CHUK: variants seen among roughly 807,000 people sequenced by gnomAD.
The protein encoded by CHUK is inhibitor of nuclear factor kappa-B kinase subunit alpha.
Under a neutral mutation model 104.8 loss-of-function variants are expected in CHUK, and 35 were observed. That is an observed-to-expected ratio of 0.33 (90% CI 0.26 to 0.44). The LOEUF is 0.44. CHUK is among the 20% of genes least tolerant of loss of function. The pLI is 1.00. For synonymous variants in CHUK, 276 were observed against 291.9 expected, an observed-to-expected ratio of 0.95 and a Z score of 0.56; for missense variants, 663 against 902.7, an observed-to-expected ratio of 0.73 and a Z score of 3.40.
At chr10:100,187,132 C>A (rs1403766026), downstream of CHUK, 1 of 152,290 alleles carries the variant, frequency 6.6e-6, no homozygotes, top group East Asian at 1.9e-4. Flanking sequence ...TGTCTGGTTC[C>A]GGTCCGCGGC....
chr10:100,225,776 T>C (rs920159118), intron 2 of CHUK, 147 bp downstream of exon 2: 12 of 596,390 alleles, frequency 2.0e-5, no homozygotes, highest in Non-Finnish European at 3.6e-5. Context: ...GTGATATTAT[T>C]ATTTGAAATA....
downstream of CHUK, chr10:100,186,675 A>G (rs17881019): frequency 0.075 from 11,424 of 152,240 alleles, 584 homozygotes; most frequent in African/African-American, 0.14. Flanking sequence ...AAGGAGTGCT[A>G]TGGTAGGCGT....
At chr10:100,216,556 T>G (rs1845859563) in intron 9 of CHUK, among the ~76,000 whole-genome samples, 1 of 152,082 alleles carries the variant, frequency 6.6e-6, no homozygotes, top group Admixed American at 6.5e-5. Context: ...ATTTAAAAAT[T>G]AGGCAGGAGA....
At chr10:100,228,987 GCGCGCGCACACACA>G (rs1253407992) in intron 1 of CHUK, among the ~76,000 whole-genome samples, 986 of 84,786 alleles carry the variant, frequency 0.012, 9 homozygotes, top group African/African-American at 0.032. Context: ...GCGCGCGCGC[GCGCGCGCACACACA>G]CACACACACA....
In CHUK at chr10:100,229,429, C is replaced by T; in HGVS notation, c.104G>A (p.Arg35Gln). The change falls in exon 1 of 21, where the codon CGG (arginine) becomes CAG (glutamine). Residue 35 changes from arginine to glutamine, a missense_variant and splice_region_variant. Arg to Gln is a conservative substitution (Grantham distance 43). Coordinates refer to ENST00000370397, the MANE Select transcript of CHUK (RefSeq NM_001278.5). ...GCTCCCTCTCACGCCCCGCCTCACC[C>T]GATGCTGGTACAGACAGACGTTCCC... Reference protein sequence around the residue: ...GFGNVCLYQHRELDLKIAIKS... With the variant: ...GFGNVCLYQHQELDLKIAIKS... 6.2e-7 allele frequency: 1 copy of T among 1,603,256 alleles called. No homozygotes were observed.
At chr10:100,199,180 T>C (rs1845406027) in intron 16 of CHUK, among the ~76,000 whole-genome samples, 2 of 152,182 alleles carry the variant, frequency 1.3e-5, no homozygotes, top group Admixed American at 1.3e-4. Context: ...TGGAATTATT[T>C]TGCCAACAAA....
chr10:100,209,493 T>C lies in CHUK; in HGVS notation c.1128+102A>G, dbSNP rs1845670900. On this transcript the variant is annotated intron_variant, in intron 10 of 20. Transcript: ENST00000370397. ...GGAGAAGGACAAAACCAAAACAAAA[T>C]GTGCGGCCTCCCAAGGAATTCCAAG... The C allele has an allele frequency of 5.4e-6, 4 of 740,862 alleles. No homozygotes were observed. The African/African-American group carries it at 7.0e-5, about 13-fold the overall frequency. The allele number at this position is 740,862 out of a possible 1,614,324, so 45.9% of individuals were successfully genotyped here.
At chr10:100,203,780 GA>G (rs1161657589) in intron 13 of CHUK, among the ~76,000 whole-genome samples, 1 of 151,834 alleles carries the variant, frequency 6.6e-6, no homozygotes, top group Non-Finnish European at 1.5e-5. Flanking sequence ...TAGATGGTTT[GA>G]AAAAAACATA....
chr10:100,201,675 T>A lies in CHUK; in HGVS notation c.1569+413A>T, dbSNP rs369571832. On this transcript the variant is annotated intron_variant, in intron 14 of 20. Transcript: ENST00000370397. ...TTTGATACAAGCCTGGACAACATAG[T>A]GAGACCCCGTCTCTACAAAAAATGT... 2.0e-4 allele frequency among the ~76,000 whole-genome samples: 31 copies of A among 152,224 alleles called. No homozygotes were observed. The South Asian group carries it at 6.4e-3, about 32-fold the overall frequency.
chr10:100,226,252 C>T (rs1846103248), intron 1 of CHUK, among the ~76,000 whole-genome samples: 1 of 152,050 alleles, frequency 6.6e-6, no homozygotes, highest in South Asian at 2.1e-4. Flanking sequence ...GTGCCTGAAA[C>T]TGATTTTATA....
In CHUK at chr10:100,189,498, TTGACTGATGTCTGAAGA is replaced by T; in HGVS notation, c.*83_*99del. 1 of 904,682 alleles carries T rather than the reference TTGACTGATGTCTGAAGA, an allele frequency of 1.1e-6. No individual in the cohort carries two copies. Among genetic ancestry groups the T allele is most frequent in the Non-Finnish European group, 1.9e-6 (1 of 533,428 alleles). 56.0% of individuals were successfully genotyped at this position (904,682 alleles called of 1,614,324 possible). A position where few individuals can be genotyped will look rare whatever the true frequency, so the allele number is the denominator to read the frequency against. On this transcript the variant is annotated 3_prime_UTR_variant, in exon 21 of 21. Coordinates refer to ENST00000370397, the MANE Select transcript of CHUK (RefSeq NM_001278.5). ...TTTCTGTTCATAGCCATTTCTTCCATTGACTGATGTCTGAAGAATGGTTTCATGGGGGAAAAACACAT... is the reference window on the plus strand; with the variant it reads ...TTTCTGTTCATAGCCATTTCTTCCATATGGTTTCATGGGGGAAAAACACAT...
chr10:100,222,081 A>G, intron 4 of CHUK, 31 bp downstream of exon 4: 1 of 1,133,604 alleles, frequency 8.8e-7, no homozygotes, highest in Non-Finnish European at 1.3e-6. Context: ...GGGACATTAC[A>G]TTACAATGGT....
intron 19 of CHUK, 130 bp from the exon 20 acceptor site, chr10:100,191,098 C>T (rs185110570): frequency 1.4e-6 from 1 of 716,614 alleles, no homozygotes; most frequent in African/African-American, 1.7e-5. Flanking sequence ...GCAGTTGACT[C>T]CTGTAGTCTT....
At position 100,200,865 on chromosome 10, in the gene CHUK, T is replaced by C; in HGVS notation, c.1570-85A>G. ...AAATTCAGATCTTAAGGATACAGAATGACTTGCTGCTTCATTAGAGAACTA... is the reference window on the plus strand; with the variant it reads ...AAATTCAGATCTTAAGGATACAGAACGACTTGCTGCTTCATTAGAGAACTA... On this transcript the variant is annotated intron_variant, in intron 14 of 20. Coordinates refer to ENST00000370397, the MANE Select transcript of CHUK (RefSeq NM_001278.5). 3.8e-6 allele frequency: 3 copies of C among 782,066 alleles called. No individual in the cohort carries two copies. In the South Asian group the frequency reaches 4.1e-5, roughly 11 times the overall value. The allele number at this position is 782,066 out of a possible 1,614,324, so 48.4% of individuals were successfully genotyped here.
chr10:100,218,773 T>C lies in CHUK; in HGVS notation c.742A>G (p.Met248Val), dbSNP rs369002723. ...DPKCIFACEE[M>V]SGEVRFSSHL... is the part of the protein sequence containing the mutation. ...CTACTAAACCGAACTTCTCCTGACA[T>C]CTCTTCACATGCAAATATACACTTT... Residue 248 changes from methionine to valine, a missense_variant, in exon 8 of 21, where the codon ATG becomes GTG. By Grantham distance (21) the Met-to-Val change is conservative. Coordinates refer to ENST00000370397, the MANE Select transcript of CHUK (RefSeq NM_001278.5). The C allele has an allele frequency of 1.2e-6, 2 of 1,613,906 alleles. No individual in the cohort carries two copies. Among genetic ancestry groups the C allele is most frequent in the Non-Finnish European group, 8.5e-7 (1 of 1,179,936 alleles).
intron 9 of CHUK, among the ~76,000 whole-genome samples, chr10:100,210,390 G>A (rs933189763): frequency 6.6e-6 from 1 of 151,108 alleles, no homozygotes; most frequent in African/African-American, 2.5e-5. Context: ...CCCGGCCTAA[G>A]TTATTTATTT....
intron 9 of CHUK, among the ~76,000 whole-genome samples, chr10:100,213,134 C>T (rs1267399971): frequency 6.6e-6 from 1 of 151,948 alleles, no homozygotes; most frequent in Non-Finnish European, 1.5e-5. Context: ...CTACACAGTG[C>T]ATGTATTGAA....
intron 9 of CHUK, among the ~76,000 whole-genome samples, chr10:100,213,426 C>T (rs937403865): frequency 2.0e-5 from 3 of 150,030 alleles, no homozygotes; most frequent in Non-Finnish European, 3.0e-5. Flanking sequence ...GTGAAAGTTG[C>T]AGTGAGTGGA....
chr10:100,200,527 C>A, intron 15 of CHUK, 144 bp downstream of exon 15: 1 of 643,526 alleles, frequency 1.6e-6, no homozygotes, highest in Non-Finnish European at 2.8e-6. Flanking sequence ...TGAGAAAAAG[C>A]TTCCATTTTA....
Sources: allele counts gnomAD v4.1 joint callset (sites outside exome capture counted in the v4.1 genomes callset), GRCh38; gene constraint gnomAD v4.1.1; transcripts MANE v1.5; gene names NCBI Gene and HGNC (gene_info 2026-07-23, HGNC 2026-07-21).